TYW1: variants seen among roughly 807,000 people sequenced by gnomAD.
The protein encoded by TYW1 is tRNA-yW synthesizing protein 1 homolog, also known as S-adenosyl-L-methionine-dependent tRNA 4-demethylwyosine synthase TYW1.
In TYW1, 46 loss-of-function variants were observed where a neutral mutation model predicts 96.2. The ratio of observed to expected loss-of-function variants is 0.48; its 90% CI spans 0.38 to 0.61. The LOEUF is 0.61. Ranked by LOEUF, TYW1 falls within the 20% of genes least tolerant of loss-of-function variation. The pLI is 0.00. For missense variants in TYW1, 684 were observed against 909.6 expected (o/e 0.75, Z 3.19); for synonymous variants, 274 against 323.0 (o/e 0.85, Z 1.63).
At chr7:67,185,724 C>G (rs2421400) in intron 14 of TYW1, among the ~76,000 whole-genome samples, 32,864 of 151,674 alleles carry the variant, frequency 0.22, 3,564 homozygotes, top group South Asian at 0.28. Flanking sequence ...CTCGAAGTTT[C>G]AGGGGTAAGA....
At chr7:67,103,200 TG>T (rs1417587168) in intron 12 of TYW1, among the ~76,000 whole-genome samples, 1 of 152,224 alleles carries the variant, frequency 6.6e-6, no homozygotes, top group Non-Finnish European at 1.5e-5. Flanking sequence ...TGCTAGGATA[TG>T]GGAAGAATTT....
rs146670995 is a variant in TYW1, at chr7:66,997,789, C to T, written c.5-276C>T. On this transcript the variant is annotated intron_variant, in intron 1 of 15. Transcript: ENST00000359626. ...GATTACAGGTGCGCGCCACCACGCC[C>T]GGCTAATTTTTGTATTTTTAGTAGA... Among the ~76,000 whole-genome samples, 933 of 152,096 alleles carry T rather than the reference C, an allele frequency of 6.1e-3. 8 individuals carry two copies. Among genetic ancestry groups the T allele is most frequent in the African/African-American group, 0.021 (880 of 41,454 alleles).
At chr7:67,033,139 C>G (rs1454759567) in intron 7 of TYW1, among the ~76,000 whole-genome samples, 1 of 151,986 alleles carries the variant, frequency 6.6e-6, no homozygotes, top group Admixed American at 6.6e-5. Flanking sequence ...TCAGGCGATC[C>G]TCCTGCCTGA....
intron 11 of TYW1, among the ~76,000 whole-genome samples, chr7:67,083,757 A>G (rs1394784083): frequency 6.6e-6 from 1 of 152,242 alleles, no homozygotes; most frequent in Non-Finnish European, 1.5e-5. Flanking sequence ...CAACTTGGCC[A>G]GGTGTGCTGG....
rs764507325 is a variant in TYW1 at position 66,998,929 on chromosome 7, A to G, written c.248A>G (p.Tyr83Cys). Residue 83 changes from tyrosine to cysteine, a missense_variant, in exon 3 of 16, where the codon TAT (tyrosine) becomes TGT (cysteine). Tyr to Cys is a radical substitution (Grantham distance 194). Transcript: ENST00000359626. Reference protein sequence around the residue: ...DIFVSGVKIFYGSQTGTAKGF... With the variant: ...DIFVSGVKIFCGSQTGTAKGF... ...TTTGTGTCTGGAGTGAAGATTTTTTATGGTTCTCAGACTGGAACAGCGAAG... is the reference window on the plus strand; with the variant it reads ...TTTGTGTCTGGAGTGAAGATTTTTTGTGGTTCTCAGACTGGAACAGCGAAG... The G allele has an allele frequency of 2.4e-5, 39 of 1,614,012 alleles. No homozygotes were observed. Among genetic ancestry groups the G allele is most frequent in the South Asian group, 9.9e-5 (9 of 91,082 alleles).
chr7:67,162,950 G>A (rs1799206296), intron 13 of TYW1, among the ~76,000 whole-genome samples: 1 of 152,140 alleles, frequency 6.6e-6, no homozygotes, highest in Admixed American at 6.5e-5. Flanking sequence ...TTTTATAGTT[G>A]CATCTTTCTT....
At chr7:67,143,497 G>A (rs1798513072) in intron 13 of TYW1, among the ~76,000 whole-genome samples, 1 of 152,204 alleles carries the variant, frequency 6.6e-6, no homozygotes, top group Non-Finnish European at 1.5e-5. Flanking sequence ...ACCTCCAGCT[G>A]CTCTGTGTTC....
At chr7:67,236,302 A>T (rs1319668099) in intron 15 of TYW1, among the ~76,000 whole-genome samples, 2 of 152,234 alleles carry the variant, frequency 1.3e-5, no homozygotes, top group African/African-American at 2.4e-5. Context: ...CTGTCGGCAC[A>T]GTCTCAGGCC....
At chr7:67,179,825 T>A (rs1799778680) in intron 13 of TYW1, among the ~76,000 whole-genome samples, 1 of 145,366 alleles carries the variant, frequency 6.9e-6, no homozygotes. Context: ...CTGCATGCTA[T>A]TTCATAATTT....
intron 9 of TYW1, among the ~76,000 whole-genome samples, chr7:67,064,973 C>G (rs1356985787): frequency 1.3e-5 from 2 of 152,180 alleles, no homozygotes; most frequent in Non-Finnish European, 2.9e-5. Context: ...CATTTGGAGA[C>G]ATCATTTTTT....
chr7:67,224,621 G>A (rs1327597872), intron 15 of TYW1, among the ~76,000 whole-genome samples: 12 of 152,240 alleles, frequency 7.9e-5, no homozygotes, highest in South Asian at 6.2e-4. Context: ...ACTCTAAATC[G>A]AGGTATTTCC....
chr7:67,056,433 A>G (rs1795519534), intron 9 of TYW1, among the ~76,000 whole-genome samples: 1 of 151,366 alleles, frequency 6.6e-6, no homozygotes, highest in Non-Finnish European at 1.5e-5. Flanking sequence ...CAGAGGTTTC[A>G]GTGAGCCCAG....
In TYW1 at chr7:67,162,610, A is replaced by G. The variant is rs146097937; in HGVS notation, c.1699-20516A>G. ...TTCTCATACCCTGTCTTCTGCACAC[A>G]TGGAGTCCAGTTATTTCTATTCATT... On this transcript the variant is annotated intron_variant, in intron 13 of 15. Transcript: ENST00000359626. 3.7e-3 allele frequency among the ~76,000 whole-genome samples: 568 copies of G among 152,248 alleles called. 4 individuals carry two copies. Among genetic ancestry groups the G allele is most frequent in the African/African-American group, 0.013 (527 of 41,556 alleles).
chr7:67,052,281 A>C (rs1346368593), intron 8 of TYW1, among the ~76,000 whole-genome samples: 2 of 152,108 alleles, frequency 1.3e-5, no homozygotes, highest in Non-Finnish European at 2.9e-5. Flanking sequence ...GACTACAGTT[A>C]TATATGTAAT....
At chr7:67,107,310 C>T (rs990603474) in intron 12 of TYW1, among the ~76,000 whole-genome samples, 1 of 152,180 alleles carries the variant, frequency 6.6e-6, no homozygotes. Context: ...CGGCCTGATA[C>T]TTTCAATAGA....
intron 3 of TYW1, among the ~76,000 whole-genome samples, chr7:66,999,856 GTAA>G (rs1215948250): frequency 1.3e-5 from 2 of 152,138 alleles, no homozygotes; most frequent in Non-Finnish European, 2.9e-5. Flanking sequence ...ATTGCAGATG[GTAA>G]TAGTATGGTT....
chr7:67,222,020 A>AC (rs935393506), intron 15 of TYW1, among the ~76,000 whole-genome samples: 4 of 151,916 alleles, frequency 2.6e-5, no homozygotes, highest in Admixed American at 6.6e-5. Context: ...TAAATGGCAA[A>AC]CCCCCATCTC....
At chr7:67,100,866 A>AG (rs1423796732) in intron 12 of TYW1, among the ~76,000 whole-genome samples, 5 of 151,672 alleles carry the variant, frequency 3.3e-5, no homozygotes, top group Non-Finnish European at 5.9e-5. Flanking sequence ...AAAAAAAAAA[A>AG]AAAGAGTTAA....
rs1584444721 is a variant in TYW1 at position 66,998,713 on chromosome 7, A to G, written c.136-104A>G. 8.4e-6 allele frequency: 11 copies of G among 1,316,416 alleles called. No individual in the cohort carries two copies. In the East Asian group the frequency reaches 2.6e-4, roughly 31 times the overall value. The allele number at this position is 1,316,416 out of a possible 1,614,324, so 81.5% of individuals were successfully genotyped here. A position where few individuals can be genotyped will look rare whatever the true frequency, so the allele number is the denominator to read the frequency against. ...AGAGAAAAATACAGTGTGTCAGATT[A>G]AGAGAAAAATAAAATGTGTCAGTAT... On this transcript the variant is annotated intron_variant, in intron 2 of 15. Coordinates refer to ENST00000359626, the MANE Select transcript of TYW1 (RefSeq NM_018264.4).
Sources: gnomAD v4.1 joint callset for allele counts (sites outside exome capture counted in the v4.1 genomes callset) on GRCh38, gnomAD v4.1.1 for gene constraint, MANE v1.5 for transcripts, NCBI Gene and HGNC (gene_info 2026-07-23, HGNC 2026-07-21) for gene names.